Variants in EPB41L2 observed in about 807,000 individuals in gnomAD.
EPB41L2 encodes erythrocyte membrane protein band 4.1 like 2, also known as band 4.1-like protein 2.
A neutral mutation model predicts 113.0 loss-of-function variants in EPB41L2; 43 were observed. The observed-to-expected ratio is 0.38, with a 90% CI of 0.30 to 0.49. EPB41L2 has a LOEUF of 0.49. Among genes scored for constraint, EPB41L2 ranks in the 20% least tolerant of loss-of-function variants. The probability of loss-of-function intolerance (pLI) is 0.95; values close to 1 mark genes in which losing one functional copy is unlikely to be tolerated. For missense variants in EPB41L2, 1,147 were observed against 1,223.4 expected (o/e 0.94, Z 0.93); for synonymous variants, 442 against 436.7 (o/e 1.01, Z -0.15).
At chr6:130,998,299 A>G (rs114994970) in intron 1 of EPB41L2, among the ~76,000 whole-genome samples, 1 of 152,220 alleles carries the variant, frequency 6.6e-6, no homozygotes, top group Non-Finnish European at 1.5e-5. Flanking sequence ...TTAAGGACAA[A>G]TTCTTTTCAA....
Position 130,890,480 on chromosome 6 carries a change from A to G in EPB41L2, c.1488-14T>C, listed in dbSNP as rs779833772. On this transcript the variant is annotated splice_polypyrimidine_tract_variant and intron_variant, in intron 10 of 19. Coordinates refer to ENST00000337057, the MANE Select transcript of EPB41L2 (RefSeq NM_001431.4). ...GGAGAAACAAGCCTATGGGAGGAAA[A>G]AAAAAAAAAAAGAGAGAGAGAAAGG... 7 of 1,392,002 alleles carry G rather than the reference A, an allele frequency of 5.0e-6. No homozygotes were observed. The highest frequency in any genetic ancestry group is 1.4e-5 in the South Asian group (1 of 72,956). The allele number at this position is 1,392,002 out of a possible 1,614,324, so 86.2% of individuals were successfully genotyped here.
intron 3 of EPB41L2, among the ~76,000 whole-genome samples, chr6:130,953,032 T>C (rs1207761710): frequency 3.3e-5 from 5 of 149,794 alleles, no homozygotes; most frequent in Non-Finnish European, 7.4e-5. Flanking sequence ...AAGGGCATTC[T>C]AGATGATCTA....
chr6:130,957,873 T>A (rs961236675), intron 1 of EPB41L2, among the ~76,000 whole-genome samples: 1 of 152,222 alleles, frequency 6.6e-6, no homozygotes, highest in African/African-American at 2.4e-5. Flanking sequence ...TCACTCTGCA[T>A]TCCCCGTCGC....
chr6:130,852,753 G>C, intron 19 of EPB41L2, among the ~76,000 whole-genome samples: 1 of 152,130 alleles, frequency 6.6e-6, no homozygotes, highest in African/African-American at 2.4e-5. Context: ...TGGCTTAGAA[G>C]ACTCCTTAAC....
intron 14 of EPB41L2, chr6:130,870,351 T>C (rs958482672): frequency 7.1e-6 from 11 of 1,550,528 alleles, no homozygotes; most frequent in Non-Finnish European, 7.0e-6. Flanking sequence ...CTGGCTCCAG[T>C]GCAAGGCCCT....
rs745446396 is a variant in EPB41L2, at chr6:130,908,879, A to G, written c.811-16T>C. 1.7e-5 allele frequency: 27 copies of G among 1,583,798 alleles called. No homozygotes were observed. Among genetic ancestry groups the G allele is most frequent in the Non-Finnish European group, 2.3e-5 (27 of 1,158,014 alleles). On this transcript the variant is annotated splice_polypyrimidine_tract_variant and intron_variant, in intron 4 of 19. Transcript: ENST00000337057. ...CTAACCAGTTCTGCATGAGGGAAAA[A>G]AATTAATTCATAAGAAATATTCTAG...
intron 1 of EPB41L2, among the ~76,000 whole-genome samples, chr6:131,017,920 C>A (rs1218570504): frequency 6.6e-6 from 1 of 152,224 alleles, no homozygotes; most frequent in Non-Finnish European, 1.5e-5. Flanking sequence ...GTTTCCATTT[C>A]TCTGCATTGT....
chr6:131,053,411 C>T (rs1043129564), intron 1 of EPB41L2, among the ~76,000 whole-genome samples: 2 of 116,072 alleles, frequency 1.7e-5, no homozygotes, highest in Non-Finnish European at 3.3e-5. Flanking sequence ...GGAGACGGGA[C>T]GAAGGGACGA....
At chr6:130,950,532 A>T (rs1814561117) in intron 3 of EPB41L2, among the ~76,000 whole-genome samples, 3 of 152,196 alleles carry the variant, frequency 2.0e-5, no homozygotes, top group African/African-American at 4.8e-5. Flanking sequence ...TAAAAAAAAC[A>T]AAAACTACCT....
rs1376836341 is a variant in EPB41L2 at position 130,880,190 on chromosome 6, A to G, written c.1850T>C (p.Val617Ala). ...TCTGACATAAATATTATCCCCTTCT[A>G]CTCTCAAGGAATTTTTCTGTGAAAT... ...LIEGKKNSLR[V>A]EGDNIYVRHS... The change falls in exon 13 of 20, where the codon GTA becomes GCA. Residue 617 changes from valine to alanine, a missense_variant. Physicochemically the swap from Val to Ala is moderately conservative, Grantham distance 64 (BLOSUM62 0). Transcript: ENST00000337057. 33 of 1,608,998 alleles carry G rather than the reference A, an allele frequency of 2.1e-5. No homozygotes were observed. Among genetic ancestry groups the G allele is most frequent in the Non-Finnish European group, 2.7e-5 (32 of 1,175,750 alleles).
chr6:130,861,320 C>T (rs1781961180), intron 18 of EPB41L2, among the ~76,000 whole-genome samples: 2 of 152,094 alleles, frequency 1.3e-5, no homozygotes, highest in Admixed American at 1.3e-4. Flanking sequence ...GATCTGCCCA[C>T]CTCGGCCTCC....
chr6:130,965,781 T>G (rs139799805), intron 1 of EPB41L2, among the ~76,000 whole-genome samples: 2 of 152,176 alleles, frequency 1.3e-5, no homozygotes, highest in Admixed American at 1.3e-4. Flanking sequence ...CATGCACTCA[T>G]TGAGCAAGAC....
At chr6:130,860,825 C>T (rs996187311) in intron 18 of EPB41L2, among the ~76,000 whole-genome samples, 20 of 152,130 alleles carry the variant, frequency 1.3e-4, no homozygotes, top group South Asian at 1.2e-3. Flanking sequence ...TGAGCCACCG[C>T]GCCCGGCTCT....
At chr6:130,889,460 T>C (rs866672452) in intron 11 of EPB41L2, among the ~76,000 whole-genome samples, 4 of 152,116 alleles carry the variant, frequency 2.6e-5, no homozygotes, top group African/African-American at 9.6e-5. Context: ...TAGAAAAAAA[T>C]TCACATTTAT....
intron 3 of EPB41L2, among the ~76,000 whole-genome samples, chr6:130,954,219 A>AT (rs544007242): frequency 3.3e-3 from 492 of 151,006 alleles, no homozygotes; most frequent in Non-Finnish European, 5.9e-3. Flanking sequence ...CGCCTGGCTA[A>AT]TTTTTTTGTA....
chr6:130,967,062 A>G (rs927890848), intron 1 of EPB41L2, among the ~76,000 whole-genome samples: 2 of 152,046 alleles, frequency 1.3e-5, no homozygotes, highest in Non-Finnish European at 2.9e-5. Flanking sequence ...TTTTTTAAGA[A>G]GTGTATCAGT....
At chr6:130,972,937 C>CAAAAAAAAAA (rs57293132) in intron 1 of EPB41L2, among the ~76,000 whole-genome samples, 17 of 59,514 alleles carry the variant, frequency 2.9e-4, no homozygotes, top group East Asian at 1.2e-3. Flanking sequence ...ACTAAAGATA[C>CAAAAAAAAAA]AAAAAAAAAA....
intron 1 of EPB41L2, among the ~76,000 whole-genome samples, chr6:131,047,773 T>G (rs1179677693): frequency 9.9e-5 from 15 of 152,188 alleles, no homozygotes; most frequent in African/African-American, 3.6e-4. Context: ...CTTGGTCTAG[T>G]TCCAACATAT....
intron 1 of EPB41L2, among the ~76,000 whole-genome samples, chr6:130,962,537 C>T (rs1218695357): frequency 3.3e-5 from 5 of 152,116 alleles, no homozygotes; most frequent in Non-Finnish European, 5.9e-5. Context: ...TCCAATGCTG[C>T]TCACCCTAGT....
Sources: allele counts gnomAD v4.1 joint callset (sites outside exome capture counted in the v4.1 genomes callset), GRCh38; gene constraint gnomAD v4.1.1; transcripts MANE v1.5; gene names NCBI Gene and HGNC (gene_info 2026-07-23, HGNC 2026-07-21).